GNA11: variants seen among roughly 807,000 people sequenced by gnomAD.
GNA11 encodes the protein G protein subunit alpha 11.
A neutral mutation model predicts 38.2 loss-of-function variants in GNA11; 8 were observed. The ratio of observed to expected loss-of-function variants is 0.21; its 90% CI spans 0.12 to 0.38. The LOEUF (loss-of-function observed/expected upper bound fraction) is 0.38, where lower values mean the gene tolerates loss of function less well. Ranked by LOEUF, GNA11 falls within the 10% of genes least tolerant of loss-of-function variation. The probability of loss-of-function intolerance (pLI) is 1.00; values close to 1 mark genes in which losing one functional copy is unlikely to be tolerated. For synonymous variants in GNA11, 211 were observed against 221.4 expected (o/e 0.95, Z 0.42); for missense variants, 268 against 516.3 (o/e 0.52, Z 4.66).
rs7257368 is a variant in GNA11, at chr19:3,110,489, A to G, written c.321+156A>G. 0.3 allele frequency among the ~76,000 whole-genome samples: 45,851 copies of G among 152,096 alleles called. 7,651 individuals carry two copies. The highest frequency in any genetic ancestry group is 0.38 in the Middle Eastern group (112 of 292). On this transcript the variant is annotated intron_variant, in intron 2 of 6. Transcript: ENST00000078429. This position sits in a 1 kb window ranked among gnomAD's most constrained non-coding sequence, Gnocchi z 5.4. ...ATCCGTTCCTGTCATGGACATGGAA[A>G]CAGCAACCGCTGACTTCCTGGGGGC...
rs559919476 is a variant in GNA11, at chr19:3,121,384, G to A, written c.*205G>A. On this transcript the variant is annotated 3_prime_UTR_variant, in exon 7 of 7. Coordinates refer to ENST00000078429, the MANE Select transcript of GNA11 (RefSeq NM_002067.5). ...ACATCTCTCCCTCCGTACACTTCGC[G>A]CACCTTCTCACCTTTTGTCAACGGC... 37 of 414,278 alleles carry A rather than the reference G, an allele frequency of 8.9e-5. No homozygotes were observed. Among genetic ancestry groups the A allele is most frequent in the Admixed American group, 6.4e-4 (15 of 23,266 alleles). 25.7% of individuals were successfully genotyped at this position (414,278 alleles called of 1,614,324 possible). A position where few individuals can be genotyped will look rare whatever the true frequency, so the allele number is the denominator to read the frequency against.
chr19:3,112,885 C>T (rs547661668), intron 2 of GNA11, among the ~76,000 whole-genome samples: 63 of 152,374 alleles, frequency 4.1e-4, no homozygotes, highest in African/African-American at 1.4e-3. Flanking sequence ...GACTGGGCTT[C>T]CTGCCTCCCG....
At chr19:3,106,050 C>A (rs553789296) in intron 1 of GNA11, among the ~76,000 whole-genome samples, 3 of 152,162 alleles carry the variant, frequency 2.0e-5, no homozygotes, top group African/African-American at 7.2e-5. Flanking sequence ...GCCAAAAGAG[C>A]GTTCCAGCTC....
rs1280043025 is a variant in GNA11 at position 3,094,812 on chromosome 19, G to T, written c.136+25G>T. The T allele has an allele frequency of 3.9e-6, 6 of 1,521,506 alleles. No homozygotes were observed. The highest frequency in any genetic ancestry group is 5.3e-6 in the Non-Finnish European group (6 of 1,136,814). 94.3% of individuals were successfully genotyped at this position (1,521,506 alleles called of 1,614,324 possible). A position where few individuals can be genotyped will look rare whatever the true frequency, so the allele number is the denominator to read the frequency against. On this transcript the variant is annotated intron_variant, in intron 1 of 6. Coordinates refer to ENST00000078429, the MANE Select transcript of GNA11 (RefSeq NM_002067.5). The surrounding 1 kb of genome is among the most constrained non-coding windows in gnomAD (Gnocchi z 6.0). ...GGTGAGTGCGGCCCCCGGGCCTGCC[G>T]GCTGCGGGCCCTGCCCTGCCTGTGC...
At position 3,094,811 on chromosome 19, in the gene GNA11, C is replaced by G. The variant is rs1430399422; in HGVS notation, c.136+24C>G. 1 of 1,518,092 alleles carries G rather than the reference C, an allele frequency of 6.6e-7. No individual in the cohort carries two copies. Among genetic ancestry groups the G allele is most frequent in the African/African-American group, 1.5e-5 (1 of 68,760 alleles). 94.0% of individuals were successfully genotyped at this position (1,518,092 alleles called of 1,614,324 possible). A position where few individuals can be genotyped will look rare whatever the true frequency, so the allele number is the denominator to read the frequency against. ...CGGTGAGTGCGGCCCCCGGGCCTGC[C>G]GGCTGCGGGCCCTGCCCTGCCTGTG... On this transcript the variant is annotated intron_variant, in intron 1 of 6. Coordinates refer to ENST00000078429, the MANE Select transcript of GNA11 (RefSeq NM_002067.5). This position sits in a 1 kb window ranked among gnomAD's most constrained non-coding sequence, Gnocchi z 6.0.
chr19:3,099,267 G>A (rs1913445700), intron 1 of GNA11, among the ~76,000 whole-genome samples: 1 of 152,088 alleles, frequency 6.6e-6, no homozygotes, highest in South Asian at 2.1e-4. Context: ...GCCCCTTCTG[G>A]GTCCCCAGCA....
chr19:3,111,460 C>A (rs1481526064), intron 2 of GNA11, among the ~76,000 whole-genome samples: 1 of 152,186 alleles, frequency 6.6e-6, no homozygotes, highest in African/African-American at 2.4e-5. Context: ...AGTGTGACGT[C>A]CTCAAGGTGC....
intron 1 of GNA11, among the ~76,000 whole-genome samples, chr19:3,102,595 G>T (rs1184132849): frequency 6.6e-6 from 1 of 152,194 alleles, no homozygotes; most frequent in East Asian, 1.9e-4. Flanking sequence ...ATTAGGGGTC[G>T]TGTGACTTCA....
intron 1 of GNA11, among the ~76,000 whole-genome samples, chr19:3,095,549 C>G (rs986119691): frequency 1.3e-5 from 2 of 152,054 alleles, no homozygotes; most frequent in Admixed American, 1.3e-4. Context: ...GAAGACTCCT[C>G]CGTGTCCCCT....
chr19:3,094,689 A>G lies in GNA11; in HGVS notation c.38A>G (p.Asp13Gly), dbSNP rs1913317982. Reference protein sequence around the residue: ...LESMMACCLSDEVKESKRINA... With the variant: ...LESMMACCLSGEVKESKRINA... Reference sequence around the variant, plus strand: ...TCCATGATGGCGTGTTGCCTGAGCGATGAGGTGAAGGAGTCCAAGCGGATC... The same window carrying G: ...TCCATGATGGCGTGTTGCCTGAGCGGTGAGGTGAAGGAGTCCAAGCGGATC... The change falls in exon 1 of 7, where the codon GAT (aspartate) becomes GGT (glycine). Residue 13 changes from aspartate to glycine, a missense_variant. Asp to Gly is a moderately conservative substitution (Grantham distance 94). Around this residue, in one of 3 missense-constraint regions of GNA11, gnomAD observed 151 missense variants for 254.0 expected, o/e 0.59. Transcript: ENST00000078429. The surrounding 1 kb of genome is among the most constrained non-coding windows in gnomAD (Gnocchi z 6.0). The G allele has an allele frequency of 2.5e-6, 4 of 1,572,486 alleles. No individual in the cohort carries two copies. Among genetic ancestry groups the G allele is most frequent in the African/African-American group, 2.8e-5 (2 of 70,646 alleles).
chr19:3,112,498 C>A (rs1913798488), intron 2 of GNA11, among the ~76,000 whole-genome samples: 1 of 152,226 alleles, frequency 6.6e-6, no homozygotes, highest in African/African-American at 2.4e-5. Flanking sequence ...GGCCTGTGCG[C>A]CCCGGGGACG....
At position 3,118,862 on chromosome 19, in the gene GNA11, T is replaced by C. The variant is rs562714666; in HGVS notation, c.606-62T>C. The C allele has an allele frequency of 4.7e-5, 72 of 1,545,604 alleles. 1 individual carries two copies. In the Admixed American group the frequency reaches 1.2e-3, roughly 25 times the overall value. ...GGAGGGGCTTGGGTGGGAGCCGTCCTGGGATTGCAGATTGGGCCTTGGGGC... is the reference window on the plus strand; with the variant it reads ...GGAGGGGCTTGGGTGGGAGCCGTCCCGGGATTGCAGATTGGGCCTTGGGGC... On this transcript the variant is annotated intron_variant, in intron 4 of 6. Transcript: ENST00000078429.
At position 3,108,838 on chromosome 19, in the gene GNA11, G is replaced by A. The variant is rs1187311956; in HGVS notation, c.137-1311G>A. ...GCCACATCATTTGAAGGCTGGACTG[G>A]AGCTGGAGGAGCCACTCACAAGTTG... On this transcript the variant is annotated intron_variant, in intron 1 of 6. Transcript: ENST00000078429. The surrounding 1 kb of genome is among the most constrained non-coding windows in gnomAD (Gnocchi z 4.5). 6.6e-6 allele frequency among the ~76,000 whole-genome samples: 1 copy of A among 152,126 alleles called. No individual in the cohort carries two copies.
chr19:3,116,001 G>T (rs1488771323), intron 4 of GNA11, among the ~76,000 whole-genome samples: 1 of 150,588 alleles, frequency 6.6e-6, no homozygotes, highest in Non-Finnish European at 1.5e-5. Flanking sequence ...GGGACTGAGT[G>T]GGGAGGAGGG....
In GNA11 at chr19:3,119,861, GC is replaced by G. The variant is rs2145327773; in HGVS notation, c.889+507del. ...CCTGCATCCTCCTCTGTGCCCTACT[GC>G]CCCCACCCTCGGACCCGTCCCTCCC... On this transcript the variant is annotated intron_variant, in intron 6 of 6. Transcript: ENST00000078429. The surrounding 1 kb of genome is among the most constrained non-coding windows in gnomAD (Gnocchi z 4.6). 6.6e-6 allele frequency among the ~76,000 whole-genome samples: 1 copy of G among 152,108 alleles called. No individual in the cohort carries two copies. The highest frequency in any genetic ancestry group is 2.1e-4 in the South Asian group (1 of 4,818).
rs1913756286 is a variant in GNA11 at position 3,110,771 on chromosome 19, C to T, written c.321+438C>T. Among the ~76,000 whole-genome samples, 1 of 151,498 alleles carries T rather than the reference C, an allele frequency of 6.6e-6. No homozygotes were observed. The highest frequency in any genetic ancestry group is 1.5e-5 in the Non-Finnish European group (1 of 67,828). ...CTCACCCATGGGGCTGTACTTCTCACCTTCTCACACTGTTTTTTTGTTTTG... is the reference window on the plus strand; with the variant it reads ...CTCACCCATGGGGCTGTACTTCTCATCTTCTCACACTGTTTTTTTGTTTTG... On this transcript the variant is annotated intron_variant, in intron 2 of 6. Transcript: ENST00000078429. This position sits in a 1 kb window ranked among gnomAD's most constrained non-coding sequence, Gnocchi z 5.4.
chr19:3,112,684 G>A (rs1015513017), intron 2 of GNA11, among the ~76,000 whole-genome samples: 4 of 152,280 alleles, frequency 2.6e-5, no homozygotes, highest in East Asian at 1.9e-4. Context: ...GAGGCGGCTC[G>A]TGTTGGGGCA....
intron 1 of GNA11, among the ~76,000 whole-genome samples, chr19:3,103,162 T>G (rs1913546544): frequency 6.6e-6 from 1 of 152,214 alleles, no homozygotes; most frequent in Non-Finnish European, 1.5e-5. Flanking sequence ...GCCCTGCCAC[T>G]GGGGTCATGG....
chr19:3,105,523 C>T (rs779345138), intron 1 of GNA11, among the ~76,000 whole-genome samples: 2 of 152,186 alleles, frequency 1.3e-5, no homozygotes, highest in Middle Eastern at 3.4e-3. Context: ...CTCATGCGGA[C>T]GGGATCCCTC....
Sources: allele counts gnomAD v4.1 joint callset (sites outside exome capture counted in the v4.1 genomes callset), GRCh38; gene constraint gnomAD v4.1.1; regional missense constraint gnomAD v4.1.1; non-coding constraint Gnocchi (gnomAD v3.1); transcripts MANE v1.5; gene names NCBI Gene and HGNC (gene_info 2026-07-23, HGNC 2026-07-21).